Variants in MYT1L observed in about 807,000 individuals in gnomAD.
MYT1L encodes the protein myelin transcription factor 1 like.
Under a neutral mutation model 126.7 loss-of-function variants are expected in MYT1L, and 12 were observed. That is an observed-to-expected ratio of 0.09 (90% CI 0.06 to 0.15). The LOEUF is 0.15. Among genes scored for constraint, MYT1L ranks in the 10% least tolerant of loss-of-function variants. The probability of loss-of-function intolerance (pLI) is 1.00; values close to 1 mark genes in which losing one functional copy is unlikely to be tolerated. For synonymous variants in MYT1L, 541 were observed against 604.2 expected (o/e 0.90, Z 1.53); for missense variants, 979 against 1,585.2 (o/e 0.62, Z 6.49).
intron 14 of MYT1L, among the ~76,000 whole-genome samples, chr2:1,902,450 T>C (rs888029068): frequency 1.3e-5 from 2 of 152,178 alleles, no homozygotes; most frequent in African/African-American, 4.8e-5. Flanking sequence ...GGTGCCGGTC[T>C]TCTGTGAAGA....
At chr2:2,184,317 A>T (rs1011973536) in intron 2 of MYT1L, among the ~76,000 whole-genome samples, 1 of 152,220 alleles carries the variant, frequency 6.6e-6, no homozygotes, top group Non-Finnish European at 1.5e-5. Context: ...AGAAACAAGT[A>T]GAAAGTAAAC....
At chr2:2,251,622 T>C (rs964217514) in intron 2 of MYT1L, among the ~76,000 whole-genome samples, 2 of 152,192 alleles carry the variant, frequency 1.3e-5, no homozygotes, top group Non-Finnish European at 1.5e-5. Flanking sequence ...GTGTGCTGTG[T>C]TTATTAACAC....
chr2:2,067,022 A>G (rs1054627394), intron 3 of MYT1L, among the ~76,000 whole-genome samples: 15 of 152,224 alleles, frequency 9.9e-5, no homozygotes, highest in African/African-American at 3.6e-4. Flanking sequence ...AACGGTCTCA[A>G]TTCTTCTCCA....
chr2:1,833,233 T>A (rs977062220), intron 21 of MYT1L, among the ~76,000 whole-genome samples: 1 of 152,212 alleles, frequency 6.6e-6, no homozygotes, highest in African/African-American at 2.4e-5. Context: ...GAGGCTCTTA[T>A]GTGAGTCTGT....
intron 1 of MYT1L, among the ~76,000 whole-genome samples, chr2:2,330,623 G>T (rs1157696984): frequency 6.6e-6 from 1 of 152,128 alleles, no homozygotes; most frequent in Non-Finnish European, 1.5e-5. Context: ...TGCTTCATTT[G>T]TAATGTAAAG....
Position 2,224,623 on chromosome 2 carries a change from T to A in MYT1L, c.-420-51635A>T, listed in dbSNP as rs2093962082. On this transcript the variant is annotated intron_variant, in intron 2 of 24. Coordinates refer to ENST00000647738, the MANE Select transcript of MYT1L (RefSeq NM_001303052.2). This position sits in a 1 kb window ranked among gnomAD's most constrained non-coding sequence, Gnocchi z 4.0. ...TCACGAGGTCAAGAGATTGAGACCA[T>A]CCTGGCTAACAAGGTGAAACCCTTT... is the stretch of plus-strand genomic sequence containing the variant. Among the ~76,000 whole-genome samples the A allele has an allele frequency of 3.3e-5, 5 of 152,038 alleles. No individual in the cohort carries two copies. The South Asian group carries it at 1.0e-3, about 32-fold the overall frequency.
At chr2:1,898,211 A>G (rs757890379) in intron 14 of MYT1L, among the ~76,000 whole-genome samples, 5 of 152,168 alleles carry the variant, frequency 3.3e-5, no homozygotes, top group Non-Finnish European at 7.3e-5. Flanking sequence ...TTCCATGAAA[A>G]CCAGACAAAT....
Position 2,134,884 on chromosome 2 carries a change from T to C in MYT1L, c.-304+37988A>G, listed in dbSNP as rs1228471599. Among the ~76,000 whole-genome samples the C allele has an allele frequency of 2.0e-5, 3 of 152,146 alleles. No individual in the cohort carries two copies. In the East Asian group the frequency reaches 5.8e-4, roughly 29 times the overall value. ...GCACCACCCACCTCCTATCTCACTTTCTCTTCATCACAGGTAGCTGCCTAC... is the reference window on the plus strand; with the variant it reads ...GCACCACCCACCTCCTATCTCACTTCCTCTTCATCACAGGTAGCTGCCTAC... On this transcript the variant is annotated intron_variant, in intron 3 of 24. Transcript: ENST00000647738.
intron 4 of MYT1L, among the ~76,000 whole-genome samples, chr2:2,012,919 G>C (rs532420545): frequency 6.6e-6 from 1 of 152,280 alleles, no homozygotes; most frequent in Non-Finnish European, 1.5e-5. Flanking sequence ...CATGTCATTA[G>C]TTATTATTGT....
intron 3 of MYT1L, among the ~76,000 whole-genome samples, chr2:2,067,875 A>G (rs2074066167): frequency 6.6e-6 from 1 of 152,206 alleles, no homozygotes; most frequent in Admixed American, 6.5e-5. Flanking sequence ...AATGTTAAGC[A>G]TTTCACAAGC....
intron 2 of MYT1L, among the ~76,000 whole-genome samples, chr2:2,203,825 A>G (rs2093190320): frequency 1.3e-5 from 2 of 152,216 alleles, no homozygotes; most frequent in South Asian, 4.1e-4. Context: ...CCAAAAGAAC[A>G]AAGCTGGAGG....
At chr2:2,184,554 A>G (rs893288069) in intron 2 of MYT1L, among the ~76,000 whole-genome samples, 2 of 152,180 alleles carry the variant, frequency 1.3e-5, no homozygotes, top group Admixed American at 1.3e-4. Flanking sequence ...GATTTCATCA[A>G]GTAAAAATCT....
At chr2:2,300,441 T>G (rs2095764847) in intron 1 of MYT1L, among the ~76,000 whole-genome samples, 1 of 152,228 alleles carries the variant, frequency 6.6e-6, no homozygotes, top group African/African-American at 2.4e-5. Context: ...GTTCACAAAC[T>G]GATCCTATCA....
At chr2:1,876,966 G>A (rs996733435) in intron 18 of MYT1L, among the ~76,000 whole-genome samples, 1 of 152,182 alleles carries the variant, frequency 6.6e-6, no homozygotes, top group African/African-American at 2.4e-5. Context: ...CTCAAGCTGA[G>A]TCTCCTTATG....
At chr2:2,021,623 C>T (rs540224062) in intron 4 of MYT1L, among the ~76,000 whole-genome samples, 3 of 152,308 alleles carry the variant, frequency 2.0e-5, no homozygotes, top group East Asian at 1.9e-4. Context: ...ACCAGCCGGG[C>T]GCGGTGGCCC....
chr2:2,046,988 T>C (rs1368451767), intron 4 of MYT1L, among the ~76,000 whole-genome samples: 2 of 152,354 alleles, frequency 1.3e-5, no homozygotes, highest in East Asian at 1.9e-4. Flanking sequence ...CTCCTCTGAA[T>C]TGTCTTCCAT....
chr2:1,848,450 C>G lies in MYT1L; in HGVS notation c.2774+3191G>C, dbSNP rs35504592. Among the ~76,000 whole-genome samples the G allele has an allele frequency of 0.44, 66,877 of 151,938 alleles. 15,627 individuals are homozygous for G. The highest frequency in any genetic ancestry group is 0.67 in the East Asian group (3,475 of 5,156). On this transcript the variant is annotated intron_variant, in intron 19 of 24. Coordinates refer to ENST00000647738, the MANE Select transcript of MYT1L (RefSeq NM_001303052.2). This position sits in a 1 kb window ranked among gnomAD's most constrained non-coding sequence, Gnocchi z 4.8. ...CAGGATCATTGTTTGGTGACTTCCC[C>G]TCTCACAACAGCCCACAGTACAGGA...
intron 3 of MYT1L, among the ~76,000 whole-genome samples, chr2:2,108,647 T>C (rs1021036909): frequency 1.4e-4 from 22 of 152,270 alleles, no homozygotes; most frequent in African/African-American, 3.4e-4. Flanking sequence ...GCTGGTTAAC[T>C]GTAAGCATCT....
At chr2:1,994,438 C>T (rs1375537437) in intron 5 of MYT1L, among the ~76,000 whole-genome samples, 1 of 152,178 alleles carries the variant, frequency 6.6e-6, no homozygotes, top group Non-Finnish European at 1.5e-5. Flanking sequence ...CTGCCCCCTC[C>T]TCCCAGCGAG....
Sources: gnomAD v4.1 joint callset for allele counts (sites outside exome capture counted in the v4.1 genomes callset) on GRCh38, gnomAD v4.1.1 for gene constraint, Gnocchi (gnomAD v3.1) non-coding constraint, MANE v1.5 for transcripts, NCBI Gene and HGNC (gene_info 2026-07-23, HGNC 2026-07-21) for gene names.